PARP6: variants seen among roughly 807,000 people sequenced by gnomAD.
The protein encoded by PARP6 is poly(ADP-ribose) polymerase family member 6, also known as protein mono-ADP-ribosyltransferase PARP6.
A neutral mutation model predicts 92.0 loss-of-function variants in PARP6; 27 were observed. The ratio of observed to expected loss-of-function variants is 0.29; its 90% CI spans 0.22 to 0.40. The LOEUF is 0.40. Ranked by LOEUF, PARP6 falls within the 10% of genes least tolerant of loss-of-function variation. The pLI is 1.00. For synonymous variants in PARP6, 272 were observed against 281.2 expected, an observed-to-expected ratio of 0.97 and a Z score of 0.33; for missense variants, 501 against 784.5, an observed-to-expected ratio of 0.64 and a Z score of 4.32.
chr15:72,256,504 C>T lies in PARP6; in HGVS notation c.1086G>A (p.Val362=). Residue 362 remains valine (V), a synonymous_variant, in exon 14 of 24, where the codon GTG becomes GTA. Transcript: ENST00000569795. ...CCAGAGTCTTGGGATCAGTGGGGTC[C>T]ACCACAGAGGGATAAGGCTCAAAGA... is the stretch of plus-strand genomic sequence containing the variant. The part of the protein sequence containing the change: ...SIIFEPYPSV[V]DPTDPKTLAF... The T allele has an allele frequency of 6.3e-7, 1 of 1,597,472 alleles. No homozygotes were observed. The highest frequency in any genetic ancestry group is 8.5e-7 in the Non-Finnish European group (1 of 1,173,126).
chr15:72,266,380 C>T (rs1245273522), intron 4 of PARP6, among the ~76,000 whole-genome samples: 1 of 152,162 alleles, frequency 6.6e-6, no homozygotes, highest in Non-Finnish European at 1.5e-5. Flanking sequence ...GGTACTTCTG[C>T]TCAGGACTGT....
intron 9 of PARP6, 61 bp from the exon 10 acceptor site, chr15:72,260,749 G>C: frequency 7.5e-7 from 1 of 1,331,726 alleles, no homozygotes; most frequent in East Asian, 2.3e-5. Flanking sequence ...CCCTGGAGGG[G>C]ACTGGAGATA....
Position 72,253,425 on chromosome 15 carries a change from T to A in PARP6, c.1259+12A>T. 1 of 1,607,238 alleles carries A rather than the reference T, an allele frequency of 6.2e-7. No homozygotes were observed. Among genetic ancestry groups the A allele is most frequent in the Non-Finnish European group, 8.5e-7 (1 of 1,173,696 alleles). ...CCCATAACCCAAGAAGGATGAGCCA[T>A]TCTATCCATACCACTGCAGGAGAGG... On this transcript the variant is annotated intron_variant, in intron 16 of 23. Transcript: ENST00000569795.
intron 16 of PARP6, among the ~76,000 whole-genome samples, chr15:72,251,724 A>G (rs2084380948): frequency 2.0e-5 from 3 of 152,212 alleles, no homozygotes. Context: ...AGCTCTCAGG[A>G]ATGGGGAGAA....
At chr15:72,258,577 G>A (rs2085436713) in intron 11 of PARP6, among the ~76,000 whole-genome samples, 1 of 152,202 alleles carries the variant, frequency 6.6e-6, no homozygotes, top group Non-Finnish European at 1.5e-5. Flanking sequence ...GGATAGGAGA[G>A]CATTCAATCA....
chr15:72,245,947 A>G (rs1025839821), intron 20 of PARP6, among the ~76,000 whole-genome samples: 5 of 152,198 alleles, frequency 3.3e-5, no homozygotes, highest in Admixed American at 1.3e-4. Flanking sequence ...CGGAAAGACA[A>G]AAGAACTTAA....
chr15:72,258,322 T>C (rs771531710), intron 11 of PARP6, among the ~76,000 whole-genome samples, 190 bp from the exon 12 acceptor site: 2 of 152,178 alleles, frequency 1.3e-5, no homozygotes, highest in Non-Finnish European at 2.9e-5. Flanking sequence ...ATAGTAAAAA[T>C]AAGAACATGA....
chr15:72,249,458 C>T, intron 19 of PARP6, 144 bp from the exon 20 acceptor site: 1 of 524,472 alleles, frequency 1.9e-6, no homozygotes, highest in Non-Finnish European at 3.4e-6. Context: ...CTCGGAAAGC[C>T]AACTGGCTGA....
chr15:72,250,289 C>T (rs760481521), intron 18 of PARP6, 197 bp from the exon 19 acceptor site: 9 of 536,468 alleles, frequency 1.7e-5, no homozygotes, highest in Admixed American at 2.9e-5. Context: ...TCTCTATTTC[C>T]AGTCCCATCC....
intron 12 of PARP6, 35 bp downstream of exon 12, chr15:72,258,002 G>A: frequency 6.9e-7 from 1 of 1,446,670 alleles, no homozygotes; most frequent in Non-Finnish European, 9.7e-7. Context: ...AGGGGACCTG[G>A]TTAAGGAAGA....
intron 20 of PARP6, chr15:72,245,665 TA>T (rs2083519109): frequency 6.6e-6 from 1 of 152,238 alleles, no homozygotes; most frequent in Non-Finnish European, 1.5e-5. Context: ...ACTCCAATAG[TA>T]AAATTCAACT....
rs2083115723 is a variant in PARP6, at chr15:72,242,069, C to T, written c.1706-84G>A. The T allele has an allele frequency of 4.8e-6, 7 of 1,467,214 alleles. No individual in the cohort carries two copies. The highest frequency in any genetic ancestry group is 6.7e-6 in the Non-Finnish European group (7 of 1,046,484). 90.9% of individuals were successfully genotyped at this position (1,467,214 alleles called of 1,614,324 possible). A position where few individuals can be genotyped will look rare whatever the true frequency, so the allele number is the denominator to read the frequency against. On this transcript the variant is annotated intron_variant, in intron 22 of 23. Coordinates refer to ENST00000569795, the MANE Select transcript of PARP6 (RefSeq NM_001323532.2). The surrounding 1 kb of genome is among the most constrained non-coding windows in gnomAD (Gnocchi z 4.3). ...GGAGAAGGAAGCCATGCCACTTCAA[C>T]ATCACTCTTGGCCAGATCATGTGCC...
At chr15:72,271,504 A>C (rs1000060414) in intron 1 of PARP6, among the ~76,000 whole-genome samples, 16 of 152,208 alleles carry the variant, frequency 1.1e-4, no homozygotes, top group Non-Finnish European at 2.2e-4. Flanking sequence ...ACAGGATCAC[A>C]AACACTTTTT....
In PARP6 at chr15:72,242,585, G is replaced by A. The variant is rs772038275; in HGVS notation, c.1641+35C>T. ...GCTCTGGAGCCTAAATTAGCCCCAG[G>A]GAAAGGTCCTGCCTCATTAGAATAG... On this transcript the variant is annotated intron_variant, in intron 21 of 23. Transcript: ENST00000569795. This position sits in a 1 kb window ranked among gnomAD's most constrained non-coding sequence, Gnocchi z 4.3. 2.8e-6 allele frequency: 4 copies of A among 1,411,536 alleles called. No individual in the cohort carries two copies. The highest frequency in any genetic ancestry group is 4.0e-6 in the Non-Finnish European group (4 of 995,358). The allele number at this position is 1,411,536 out of a possible 1,614,324, so 87.4% of individuals were successfully genotyped here. A position where few individuals can be genotyped will look rare whatever the true frequency, so the allele number is the denominator to read the frequency against.
intron 20 of PARP6, among the ~76,000 whole-genome samples, chr15:72,248,826 G>A (rs1246380475): frequency 6.6e-6 from 1 of 152,236 alleles, no homozygotes; most frequent in Non-Finnish European, 1.5e-5. Context: ...GGTTGAGAGA[G>A]AGAACAGTGT....
At chr15:72,265,233 C>G in intron 6 of PARP6, 62 bp from the exon 7 acceptor site, 1 of 1,192,262 alleles carries the variant, frequency 8.4e-7, no homozygotes, top group Non-Finnish European at 1.2e-6. Context: ...CTGAAATTTC[C>G]CCTATATGAC....
At chr15:72,246,956 C>T (rs2083690088) in intron 20 of PARP6, among the ~76,000 whole-genome samples, 1 of 152,082 alleles carries the variant, frequency 6.6e-6, no homozygotes, top group Non-Finnish European at 1.5e-5. Flanking sequence ...TGGGGCTTCT[C>T]CCTGTTGGTC....
At chr15:72,249,447 T>C in intron 19 of PARP6, 133 bp from the exon 20 acceptor site, 1 of 528,330 alleles carries the variant, frequency 1.9e-6, no homozygotes, top group Non-Finnish European at 3.4e-6. Context: ...AAGCACCTAT[T>C]CTCGGAAAGC....
At chr15:72,250,339 A>G (rs1386859588) in intron 18 of PARP6, 1 of 427,634 alleles carries the variant, frequency 2.3e-6, no homozygotes, top group East Asian at 3.9e-5. Context: ...TAAATCCTCA[A>G]CTGCTGGTTC....
Sources: allele counts gnomAD v4.1 joint callset (sites outside exome capture counted in the v4.1 genomes callset), GRCh38; gene constraint gnomAD v4.1.1; non-coding constraint Gnocchi (gnomAD v3.1); transcripts MANE v1.5; gene names NCBI Gene and HGNC (gene_info 2026-07-23, HGNC 2026-07-21).